CHN2: variants seen among roughly 807,000 people sequenced by gnomAD.
The protein encoded by CHN2 is beta-chimaerin.
In CHN2, 35 loss-of-function variants were observed where a neutral mutation model predicts 56.3. That is an observed-to-expected ratio of 0.62 (90% CI 0.47 to 0.82). The LOEUF is 0.82. Among genes scored for constraint, CHN2 ranks in the 40% least tolerant of loss-of-function variants. The pLI, the probability that CHN2 is intolerant of heterozygous loss-of-function variation, is 0.00. For missense variants in CHN2, 491 were observed against 580.5 expected (o/e 0.85, Z 1.58); for synonymous variants, 210 against 212.8 (o/e 0.99, Z 0.12).
intron 8 of CHN2, among the ~76,000 whole-genome samples, chr7:29,497,108 T>C (rs1789384379): frequency 6.6e-6 from 1 of 152,170 alleles, no homozygotes; most frequent in African/African-American, 2.4e-5. Context: ...GATACCTGGA[T>C]GGTTCAAGTA....
chr7:29,404,122 G>A (rs545726417), intron 6 of CHN2, among the ~76,000 whole-genome samples: 59 of 152,188 alleles, frequency 3.9e-4, no homozygotes, highest in African/African-American at 1.4e-3. Flanking sequence ...GCCTCATTCT[G>A]TGCTCACTGC....
intron 1 of CHN2, among the ~76,000 whole-genome samples, chr7:29,212,095 A>T (rs1584751282): frequency 6.6e-6 from 1 of 151,946 alleles, no homozygotes; most frequent in East Asian, 1.9e-4. Context: ...AAAGATAGGG[A>T]CTCTTTTTTA....
chr7:29,435,890 C>A (rs1031817438), intron 6 of CHN2, among the ~76,000 whole-genome samples: 3 of 123,996 alleles, frequency 2.4e-5, no homozygotes, highest in African/African-American at 1.2e-4. Context: ...ATCAGAAGCG[C>A]CTCCTTTTTT....
intron 1 of CHN2, among the ~76,000 whole-genome samples, chr7:29,338,767 A>G (rs531790895): frequency 1.3e-5 from 2 of 152,268 alleles, no homozygotes; most frequent in Admixed American, 1.3e-4. Context: ...TTTAGTAGAG[A>G]CAGGGTTTCA....
intron 6 of CHN2, among the ~76,000 whole-genome samples, chr7:29,430,366 C>T (rs112608197): frequency 8.5e-5 from 13 of 152,172 alleles, no homozygotes; most frequent in African/African-American, 2.7e-4. Context: ...TTAAATTTAA[C>T]GCAGTTTAGT....
intron 6 of CHN2, 136 bp from the exon 7 acceptor site, chr7:29,480,143 G>C: frequency 6.4e-7 from 1 of 1,567,462 alleles, no homozygotes; most frequent in Non-Finnish European, 8.7e-7. Flanking sequence ...TGGAAAATGA[G>C]AAAAAGTGTG....
intron 9 of CHN2, 61 bp from the exon 10 acceptor site, chr7:29,504,683 T>TTC (rs879030964): frequency 3.2e-6 from 1 of 312,094 alleles, no homozygotes; most frequent in Non-Finnish European, 4.6e-6. Context: ...GAAATTAGTC[T>TTC]TTTTTTTTTT....
intron 6 of CHN2, among the ~76,000 whole-genome samples, chr7:29,412,791 C>A (rs1272108934): frequency 6.7e-6 from 1 of 148,362 alleles, no homozygotes; most frequent in African/African-American, 2.5e-5. Context: ...ATCATTGGTA[C>A]AACAGATGAG....
rs1258578183 is a variant in CHN2 at position 29,513,636 on chromosome 7, C to T, written c.*901C>T. The T allele has an allele frequency of 6.6e-6, 1 of 152,220 alleles. No homozygotes were observed. The highest frequency in any genetic ancestry group is 2.4e-5 in the African/African-American group (1 of 41,426). The allele number at this position is 152,220 out of a possible 1,614,324, so 9.4% of individuals were successfully genotyped here. ...AGCACTTACCCTCTTTTCTTCCTGGCCAAGCCCTCTGAATTCATCTGTTAA... is the reference window on the plus strand; with the variant it reads ...AGCACTTACCCTCTTTTCTTCCTGGTCAAGCCCTCTGAATTCATCTGTTAA... On this transcript the variant is annotated 3_prime_UTR_variant, in exon 13 of 13. Transcript: ENST00000222792.
intron 2 of CHN2, among the ~76,000 whole-genome samples, chr7:29,148,018 G>A (rs1040849766): frequency 1.3e-5 from 2 of 152,150 alleles, no homozygotes; most frequent in Non-Finnish European, 1.5e-5. Context: ...GTGGAAGCTC[G>A]GTCAAGCTTC....
chr7:29,497,786 C>T (rs900119281), intron 8 of CHN2, among the ~76,000 whole-genome samples: 1 of 152,264 alleles, frequency 6.6e-6, no homozygotes, highest in South Asian at 2.1e-4. Flanking sequence ...TTAAACTCTA[C>T]ATAAACACAT....
chr7:29,246,712 GAGGCCAGGA>G (rs1033846976), intron 1 of CHN2, among the ~76,000 whole-genome samples: 2 of 152,156 alleles, frequency 1.3e-5, no homozygotes, highest in Non-Finnish European at 2.9e-5. Flanking sequence ...CACAGTTCTG[GAGGCCAGGA>G]AGGCCAGGAT....
At chr7:29,345,951 C>T (rs1054595733) in intron 1 of CHN2, among the ~76,000 whole-genome samples, 1 of 152,102 alleles carries the variant, frequency 6.6e-6, no homozygotes, top group Non-Finnish European at 1.5e-5. Context: ...GCAAGTGGGA[C>T]TCAAGCAGTT....
At chr7:29,405,585 C>T (rs774089739) in intron 6 of CHN2, among the ~76,000 whole-genome samples, 1 of 152,144 alleles carries the variant, frequency 6.6e-6, no homozygotes, top group Non-Finnish European at 1.5e-5. Flanking sequence ...AGTCCTCTTG[C>T]TTTCTTAGGG....
At chr7:29,209,955 C>T (rs980186222) in intron 1 of CHN2, among the ~76,000 whole-genome samples, 12 of 152,102 alleles carry the variant, frequency 7.9e-5, no homozygotes, top group Non-Finnish European at 1.6e-4. Flanking sequence ...TGAGGGGTCA[C>T]GTGACCTAAG....
chr7:29,512,725 T>TTTTA lies in CHN2; in HGVS notation c.1400_1403dup (p.Ter469IlefsTer30), dbSNP rs1458097364. 6.2e-7 allele frequency: 1 copy of TTTTA among 1,613,832 alleles called. No individual in the cohort carries two copies. Among genetic ancestry groups the TTTTA allele is most frequent in the African/African-American group, 1.3e-5 (1 of 74,902 alleles). On this transcript the variant is annotated frameshift_variant, in exon 13 of 13. Transcript: ENST00000222792. LOFTEE classifies it high-confidence loss of function. ...CAGATTTTAATAGAAAACGAAGACG[T>TTTTA]TTTATTCTAATCCATCAGGGAAATG...
At chr7:29,324,023 A>C (rs1795592739) in intron 1 of CHN2, among the ~76,000 whole-genome samples, 2 of 151,340 alleles carry the variant, frequency 1.3e-5, no homozygotes, top group Admixed American at 1.3e-4. Context: ...AAACAAAACC[A>C]AAAAAAAGAA....
At chr7:29,496,416 G>A (rs1317779371) in intron 8 of CHN2, among the ~76,000 whole-genome samples, 1 of 151,840 alleles carries the variant, frequency 6.6e-6, no homozygotes, top group Non-Finnish European at 1.5e-5. Flanking sequence ...TAGTAATAGT[G>A]CTGGTGAATA....
upstream of CHN2, chr7:29,192,422 T>A (rs980769921): frequency 6.6e-6 from 1 of 152,214 alleles, no homozygotes; most frequent in Non-Finnish European, 1.5e-5. Context: ...CTGTTGTCCT[T>A]TTGTGAAATT....
Sources: allele counts gnomAD v4.1 joint callset (sites outside exome capture counted in the v4.1 genomes callset), GRCh38; gene constraint gnomAD v4.1.1; transcripts MANE v1.5; gene names NCBI Gene and HGNC (gene_info 2026-07-23, HGNC 2026-07-21).